Variants in BANP observed in about 807,000 individuals in gnomAD.
The protein encoded by BANP is BTG3 associated nuclear protein.
A neutral mutation model predicts 68.1 loss-of-function variants in BANP; 11 were observed. The ratio of observed to expected loss-of-function variants is 0.16; its 90% confidence interval spans 0.10 to 0.27. The LOEUF (loss-of-function observed/expected upper bound fraction) is 0.27. Ranked by LOEUF, BANP falls within the 10% of genes least tolerant of loss-of-function variation. The pLI is 1.00. For missense variants in BANP, 504 were observed against 722.7 expected, an observed-to-expected ratio of 0.70 and a Z score of 3.47; for synonymous variants, 329 against 303.2, an observed-to-expected ratio of 1.09 and a Z score of -0.88.
chr16:88,072,884 G>A (rs2090705004), intron 13 of BANP, among the ~76,000 whole-genome samples: 1 of 152,224 alleles, frequency 6.6e-6, no homozygotes, highest in South Asian at 2.1e-4. Flanking sequence ...GTGCCCAGCG[G>A]GGACGTTGTC....
chr16:88,020,040 C>T (rs1356648236), intron 7 of BANP, among the ~76,000 whole-genome samples: 2 of 152,178 alleles, frequency 1.3e-5, no homozygotes, highest in African/African-American at 2.4e-5. Context: ...CATCCTGGAC[C>T]CTGAGGGTAG....
chr16:88,075,975 A>T (rs1409499035), intron 13 of BANP, among the ~76,000 whole-genome samples: 1 of 151,928 alleles, frequency 6.6e-6, no homozygotes, highest in Non-Finnish European at 1.5e-5. Flanking sequence ...TGAACTCCTG[A>T]CCTCAAGTGA....
At chr16:88,019,516 C>T (rs1241887596) in intron 7 of BANP, among the ~76,000 whole-genome samples, 25 of 144,678 alleles carry the variant, frequency 1.7e-4, no homozygotes, top group Non-Finnish European at 6.0e-5. Flanking sequence ...GCAGAGCATT[C>T]AGCGTCCAGG....
Position 88,038,473 on chromosome 16 carries a change from C to T in BANP, c.1311+462C>T, listed in dbSNP as rs186423758. Among the ~76,000 whole-genome samples the T allele has an allele frequency of 4.3e-3, 648 of 151,666 alleles. 4 individuals are homozygous for T. The highest frequency in any genetic ancestry group is 0.014 in the African/African-American group (576 of 41,276). On this transcript the variant is annotated intron_variant, in intron 11 of 13. Transcript: ENST00000682872. ...TGGCGGAAACGTGCCCTCCCACCCC[C>T]GCCACCCCACCCCCTTCAGATGGTT...
At chr16:88,041,560 C>A (rs1313741167) in intron 11 of BANP, among the ~76,000 whole-genome samples, 1 of 152,210 alleles carries the variant, frequency 6.6e-6, no homozygotes, top group African/African-American at 2.4e-5. Flanking sequence ...CCTTGCTTTT[C>A]TTCCTTGCTG....
chr16:88,061,775 C>T (rs1398567824), intron 11 of BANP, among the ~76,000 whole-genome samples: 1 of 151,974 alleles, frequency 6.6e-6, no homozygotes, highest in African/African-American at 2.4e-5. Flanking sequence ...AAGCAATTCT[C>T]CTGCCTCAGC....
intron 12 of BANP, among the ~76,000 whole-genome samples, chr16:88,065,613 C>T: frequency 6.6e-6 from 1 of 152,248 alleles, no homozygotes; most frequent in South Asian, 2.1e-4. Context: ...TTTCTGAAGA[C>T]ACAACAGGAA....
chr16:87,971,011 C>T (rs1346124214), intron 1 of BANP, among the ~76,000 whole-genome samples: 8 of 88,186 alleles, frequency 9.1e-5, no homozygotes, highest in African/African-American at 2.9e-4. Flanking sequence ...AGTGAGACTG[C>T]ATCTCAAAAA....
intron 1 of BANP, among the ~76,000 whole-genome samples, chr16:87,968,216 G>A (rs1041776851): frequency 2.0e-5 from 3 of 151,622 alleles, no homozygotes; most frequent in Non-Finnish European, 4.4e-5. Flanking sequence ...GGGTGCAGTG[G>A]CTCACCCCTA....
At chr16:88,045,932 A>T (rs2152803897) in intron 11 of BANP, among the ~76,000 whole-genome samples, 1 of 152,214 alleles carries the variant, frequency 6.6e-6, no homozygotes, top group East Asian at 1.9e-4. Flanking sequence ...CCTGCTCAGG[A>T]AGTTGGTGGG....
At chr16:87,975,686 TA>T (rs2061957234) in intron 2 of BANP, among the ~76,000 whole-genome samples, 1 of 151,526 alleles carries the variant, frequency 6.6e-6, no homozygotes, top group South Asian at 2.1e-4. Context: ...CATGGAACCT[TA>T]CCATGTGGTG....
At chr16:87,975,736 A>G (rs1184067047) in intron 2 of BANP, among the ~76,000 whole-genome samples, 1 of 143,114 alleles carries the variant, frequency 7.0e-6, no homozygotes, top group East Asian at 2.1e-4. Context: ...GAACCTTCCC[A>G]TGTTGTGTGT....
intron 6 of BANP, among the ~76,000 whole-genome samples, chr16:88,015,715 C>G (rs1029993719): frequency 6.6e-6 from 1 of 152,250 alleles, no homozygotes. Context: ...CGAGGTCTCG[C>G]GCTCCAGGAG....
At chr16:88,045,330 C>T (rs1161342971) in intron 11 of BANP, among the ~76,000 whole-genome samples, 1 of 152,184 alleles carries the variant, frequency 6.6e-6, no homozygotes, top group Admixed American at 6.5e-5. Flanking sequence ...TGTCCATGCC[C>T]CTCTACGCCA....
At chr16:88,000,555 C>T (rs2068916875) in intron 4 of BANP, among the ~76,000 whole-genome samples, 1 of 7,398 alleles carries the variant, frequency 1.4e-4, no homozygotes, top group African/African-American at 3.5e-4. Flanking sequence ...TCTCCATGCA[C>T]GCACGTGCGC....
At chr16:88,020,490 T>C (rs1308930785) in intron 7 of BANP, among the ~76,000 whole-genome samples, 1 of 152,198 alleles carries the variant, frequency 6.6e-6, no homozygotes, top group Non-Finnish European at 1.5e-5. Flanking sequence ...GAATGAGAAA[T>C]GGCCCTGATG....
rs1374242092 is a variant in BANP, at chr16:88,003,244, TG to T, written c.363-1050del. Among the ~76,000 whole-genome samples the T allele has an allele frequency of 6.6e-6, 1 of 152,252 alleles. No individual in the cohort carries two copies. The highest frequency in any genetic ancestry group is 6.5e-5 in the Admixed American group (1 of 15,288). ...TTTTTGAATGAAATGGAGTTGATTATGCCTTTATTTTAGGAGAAAACCTGGT... is the reference window on the plus strand; with the variant it reads ...TTTTTGAATGAAATGGAGTTGATTATCCTTTATTTTAGGAGAAAACCTGGT... On this transcript the variant is annotated intron_variant, in intron 4 of 13. Coordinates refer to ENST00000682872, the MANE Select transcript of BANP (RefSeq NM_001386991.1). The surrounding 1 kb of genome is among the most constrained non-coding windows in gnomAD (Gnocchi z 6.1).
intron 1 of BANP, among the ~76,000 whole-genome samples, chr16:87,969,534 CTTT>C (rs71156276): frequency 7.2e-6 from 1 of 138,996 alleles, no homozygotes; most frequent in Non-Finnish European, 1.5e-5. Flanking sequence ...TCGAGATTGA[CTTT>C]TTTTTTTTTT....
At chr16:87,990,856 A>G (rs1471444392) in intron 4 of BANP, among the ~76,000 whole-genome samples, 5 of 152,028 alleles carry the variant, frequency 3.3e-5, no homozygotes, top group Admixed American at 6.6e-5. Flanking sequence ...TCCGCCTCCC[A>G]GGTTCACGCC....
Sources: allele counts gnomAD v4.1 joint callset (sites outside exome capture counted in the v4.1 genomes callset), GRCh38; gene constraint gnomAD v4.1.1; non-coding constraint Gnocchi (gnomAD v3.1); transcripts MANE v1.5; gene names NCBI Gene and HGNC (gene_info 2026-07-23, HGNC 2026-07-21).